The following DMD variants were observed in gnomAD, a reference collection of about 807,000 sequenced individuals.
DMD encodes mutant dystrophin.
In DMD, 63 loss-of-function variants were observed where a neutral mutation model predicts 330.1. The observed-to-expected ratio is 0.19, with a 90% CI of 0.16 to 0.24. The LOEUF (loss-of-function observed/expected upper bound fraction) is 0.24, where lower values mean the gene tolerates loss of function less well. Ranked by LOEUF, DMD falls within the 10% of genes least tolerant of loss-of-function variation. The pLI is 1.00. For missense variants in DMD, 3,344 were observed against 2,684.1 expected (o/e 1.25, Z -5.43); for synonymous variants, 1,223 against 959.8 (o/e 1.27, Z -5.07).
intron 7 of DMD, among the ~76,000 whole-genome samples, chrX:32,730,434 A>G (rs1007075941): frequency 1.8e-5 from 2 of 112,503 alleles, no homozygotes; most frequent in Non-Finnish European, 1.9e-5. Flanking sequence ...AGGTAACACC[A>G]AAGTAGGACA....
chrX:31,249,069 T>A (rs2049096567), intron 63 of DMD, among the ~76,000 whole-genome samples: 1 of 112,095 alleles, frequency 8.9e-6, no homozygotes, highest in Admixed American at 9.5e-5. Context: ...CTAGAGGGTT[T>A]ATGTTTTCTG....
chrX:32,833,128 G>C (rs2148907245), intron 4 of DMD, among the ~76,000 whole-genome samples: 1 of 111,459 alleles, frequency 9.0e-6, no homozygotes, highest in South Asian at 3.7e-4. Flanking sequence ...TTAAAAAATA[G>C]ACTTTCAACA....
At chrX:32,791,755 A>C in intron 7 of DMD, among the ~76,000 whole-genome samples, 1 of 111,981 alleles carries the variant, frequency 8.9e-6, no homozygotes, top group East Asian at 2.8e-4. Context: ...AAAGCCATGA[A>C]ATGCTTGCAT....
chrX:31,800,269 C>T (rs919342553), intron 50 of DMD, among the ~76,000 whole-genome samples: 1 of 112,582 alleles, frequency 8.9e-6, no homozygotes, highest in Non-Finnish European at 1.9e-5. Flanking sequence ...GCCTGGACAC[C>T]TAGGCTTTTC....
intron 9 of DMD, among the ~76,000 whole-genome samples, chrX:32,677,059 TA>T (rs2062020487): frequency 9.0e-6 from 1 of 111,643 alleles, no homozygotes; most frequent in Non-Finnish European, 1.9e-5. Flanking sequence ...TTGCATGTTT[TA>T]AAATATGTAA....
intron 9 of DMD, among the ~76,000 whole-genome samples, chrX:32,655,328 G>A (rs1206771468): frequency 8.9e-6 from 1 of 112,020 alleles, no homozygotes; most frequent in Admixed American, 9.4e-5. Flanking sequence ...ACAGATTCTG[G>A]TATGTTGTGT....
chrX:33,329,312 G>A (rs1369385798), intron 1 of DMD, among the ~76,000 whole-genome samples: 1 of 97,667 alleles, frequency 1.0e-5, no homozygotes, highest in African/African-American at 3.3e-5. Context: ...CTTCTATAAA[G>A]TAATGATGGT....
At chrX:33,136,141 C>T (rs1410841898) in intron 1 of DMD, among the ~76,000 whole-genome samples, 2 of 110,005 alleles carry the variant, frequency 1.8e-5, no homozygotes, top group African/African-American at 6.6e-5. Flanking sequence ...GTAGTGAGAC[C>T]TTGTCTCTAC....
intron 54 of DMD, 119 bp from the exon 55 acceptor site, chrX:31,627,981 T>C (rs1361093938): frequency 4.6e-6 from 3 of 651,933 alleles, no homozygotes; most frequent in African/African-American, 4.4e-5. Flanking sequence ...ATGGGGTGAG[T>C]TGTTGCTACA....
At chrX:31,499,228 G>T (rs934351091) in intron 56 of DMD, among the ~76,000 whole-genome samples, 1 of 111,634 alleles carries the variant, frequency 9.0e-6, no homozygotes, top group Non-Finnish European at 1.9e-5. Flanking sequence ...AGGGAAGAGA[G>T]AATATAACGA....
At chrX:32,276,534 C>T (rs1324134612) in intron 43 of DMD, among the ~76,000 whole-genome samples, 1 of 111,563 alleles carries the variant, frequency 9.0e-6, no homozygotes, top group African/African-American at 3.3e-5. Context: ...TCTTGGATAC[C>T]AGCTTAGTCA....
intron 1 of DMD, among the ~76,000 whole-genome samples, chrX:33,032,410 T>TA (rs2094131508): frequency 8.9e-6 from 1 of 112,001 alleles, no homozygotes; most frequent in African/African-American, 3.2e-5. Context: ...TAGCCTATAA[T>TA]AAAGCTGACT....
rs752943662 is a variant in DMD, at chrX:33,020,212, A to T, written c.32-12T>A. On this transcript the variant is annotated splice_polypyrimidine_tract_variant and intron_variant, in intron 1 of 78. Coordinates refer to ENST00000357033, the MANE Select transcript of DMD (RefSeq NM_004006.3). ...ATCTTCTCTTTCATCTAAAATGCAAAATAAAAAAATAAAAGTTAGGAAGCA... is the reference window on the plus strand; with the variant it reads ...ATCTTCTCTTTCATCTAAAATGCAATATAAAAAAATAAAAGTTAGGAAGCA... 1 of 1,108,158 alleles carries T rather than the reference A, an allele frequency of 9.0e-7. No homozygotes were observed. The highest frequency in any genetic ancestry group is 2.3e-5 in the Admixed American group (1 of 42,902). 91.3% of individuals were successfully genotyped at this position (1,108,158 alleles called of 1,213,427 possible). A position where few individuals can be genotyped will look rare whatever the true frequency, so the allele number is the denominator to read the frequency against.
intron 67 of DMD, among the ~76,000 whole-genome samples, chrX:31,190,484 C>T (rs1260135571): frequency 9.4e-6 from 1 of 106,392 alleles, no homozygotes; most frequent in African/African-American, 3.4e-5. Context: ...TAACCATGAA[C>T]CCTCCTCCTT....
chrX:33,012,373 G>A (rs889269596), intron 2 of DMD, among the ~76,000 whole-genome samples: 4 of 111,188 alleles, frequency 3.6e-5, no homozygotes, highest in East Asian at 2.8e-4. Flanking sequence ...TTTGAATTTC[G>A]TATAAAACTG....
intron 7 of DMD, among the ~76,000 whole-genome samples, chrX:32,792,427 C>T (rs1371525784): frequency 1.8e-5 from 2 of 111,596 alleles, no homozygotes; most frequent in Non-Finnish European, 3.8e-5. Context: ...TTCAAAACAA[C>T]CATAAATCAA....
chrX:31,953,703 C>T lies in DMD; in HGVS notation c.6614+14636G>A, dbSNP rs150387008. Among the ~76,000 whole-genome samples, 16 of 111,146 alleles carry T rather than the reference C, an allele frequency of 1.4e-4. No individual in the cohort carries two copies. In the East Asian group the frequency reaches 4.3e-3, roughly 30 times the overall value. ...CTCATGTGCTGGGCATAGAGCTAGC[C>T]AATTTATTTACATTACCTCTTACTC... On this transcript the variant is annotated intron_variant, in intron 45 of 78. Coordinates refer to ENST00000357033, the MANE Select transcript of DMD (RefSeq NM_004006.3).
At chrX:32,878,795 G>A (rs2149187155) in intron 2 of DMD, among the ~76,000 whole-genome samples, 1 of 109,040 alleles carries the variant, frequency 9.2e-6, no homozygotes, top group African/African-American at 3.3e-5. Context: ...GGATCACGAG[G>A]TCAGGAGTTC....
intron 7 of DMD, among the ~76,000 whole-genome samples, chrX:32,768,966 T>C (rs1384245744): frequency 8.9e-6 from 1 of 111,782 alleles, no homozygotes; most frequent in Non-Finnish European, 1.9e-5. Flanking sequence ...AGGGAGCACA[T>C]ATGCATCACC....
Sources: gnomAD v4.1 joint callset for allele counts (sites outside exome capture counted in the v4.1 genomes callset) on GRCh38, gnomAD v4.1.1 for gene constraint, MANE v1.5 for transcripts, NCBI Gene and HGNC (gene_info 2026-07-23, HGNC 2026-07-21) for gene names.